BMPR1A: variants seen among roughly 807,000 people sequenced by gnomAD.
BMPR1A encodes bone morphogenetic protein receptor type 1A, also known as bone morphogenetic protein receptor type-1A.
BMPR1A carries 7 observed loss-of-function variants against 66.0 expected under a neutral mutation model. That is an observed-to-expected ratio of 0.11 (90% CI 0.06 to 0.20). BMPR1A has a LOEUF of 0.20. Among genes scored for constraint, BMPR1A ranks in the 10% least tolerant of loss-of-function variants. The pLI, the probability that BMPR1A is intolerant of heterozygous loss-of-function variation, is 1.00. For synonymous variants in BMPR1A, 200 were observed against 229.7 expected (o/e 0.87, Z 1.17); for missense variants, 408 against 669.1 (o/e 0.61, Z 4.31).
intron 4 of BMPR1A, 136 bp from the exon 5 acceptor site, chr10:86,891,991 C>G: frequency 1.4e-6 from 1 of 705,578 alleles, no homozygotes; most frequent in Non-Finnish European, 2.5e-6. Context: ...GCCAATAAAT[C>G]ACGTGTGAAT....
intron 1 of BMPR1A, among the ~76,000 whole-genome samples, chr10:86,768,373 C>T (rs895866628): frequency 4.0e-5 from 6 of 151,614 alleles, no homozygotes; most frequent in African/African-American, 1.2e-4. Flanking sequence ...TAAAGATGTG[C>T]CCCCCACCCC....
At chr10:86,892,083 A>G (rs756856268) in intron 4 of BMPR1A, 44 bp from the exon 5 acceptor site, 2 of 1,508,026 alleles carry the variant, frequency 1.3e-6, no homozygotes, top group Non-Finnish European at 1.8e-6. Context: ...AGTACTTTCT[A>G]TGTGAATTTA....
intron 2 of BMPR1A, among the ~76,000 whole-genome samples, chr10:86,871,319 T>C (rs905729596): frequency 2.0e-5 from 3 of 152,206 alleles, no homozygotes; most frequent in Non-Finnish European, 2.9e-5. Flanking sequence ...GTGTCTTGAG[T>C]ATCTTAATTG....
chr10:86,873,346 A>AG (rs1842877092), intron 2 of BMPR1A, among the ~76,000 whole-genome samples: 1 of 151,918 alleles, frequency 6.6e-6, no homozygotes, highest in East Asian at 1.9e-4. Flanking sequence ...GCACTCTGGG[A>AG]GGAGGCCAAG....
At chr10:86,930,137 G>C (rs1320272924), downstream of BMPR1A, 1 of 152,286 alleles carries the variant, frequency 6.6e-6, no homozygotes, top group East Asian at 1.9e-4. Flanking sequence ...AGACTTAAAT[G>C]TGTGAGTGCT....
At chr10:86,766,893 G>T (rs1280626200) in intron 1 of BMPR1A, among the ~76,000 whole-genome samples, 1 of 149,650 alleles carries the variant, frequency 6.7e-6, no homozygotes, top group Non-Finnish European at 1.5e-5. Flanking sequence ...GTGCCATCCT[G>T]GCTCACTGCA....
chr10:86,802,166 C>G (rs115216380), intron 1 of BMPR1A, among the ~76,000 whole-genome samples: 1 of 152,150 alleles, frequency 6.6e-6, no homozygotes, highest in Admixed American at 6.6e-5. Context: ...AACTCTTAGC[C>G]GCTGTGACAC....
intron 1 of BMPR1A, among the ~76,000 whole-genome samples, chr10:86,800,728 G>T (rs11202191): frequency 0.017 from 2,532 of 152,286 alleles, 75 homozygotes; most frequent in African/African-American, 0.058. Context: ...AAGAAAGCAT[G>T]TAATTCTTTG....
intron 1 of BMPR1A, among the ~76,000 whole-genome samples, chr10:86,777,423 ATTAAAAAGTTATT>A (rs1291120719): frequency 2.6e-5 from 4 of 152,122 alleles, no homozygotes; most frequent in Non-Finnish European, 4.4e-5. Flanking sequence ...CTGCAAAAAA[ATTAAAAAGTTATT>A]TGGGCATGGT....
intron 2 of BMPR1A, among the ~76,000 whole-genome samples, chr10:86,853,805 A>G (rs1842604156): frequency 6.6e-6 from 1 of 152,186 alleles, no homozygotes; most frequent in South Asian, 2.1e-4. Context: ...TCACAAGGTA[A>G]TAGAATATCA....
chr10:86,835,560 A>G (rs1787608643), intron 1 of BMPR1A, among the ~76,000 whole-genome samples: 1 of 67,848 alleles, frequency 1.5e-5, no homozygotes, highest in Admixed American at 1.9e-4. Flanking sequence ...AAAAAAAAAA[A>G]AAAAAAAAAA....
chr10:86,831,336 A>T (rs1358904928), intron 1 of BMPR1A, among the ~76,000 whole-genome samples: 3 of 152,112 alleles, frequency 2.0e-5, no homozygotes, highest in Non-Finnish European at 4.4e-5. Context: ...ATGTCTTTTT[A>T]TGTCTATATA....
rs904515260 is a variant in BMPR1A at position 86,796,325 on chromosome 10, A to G, written c.-268+39406A>G. Among the ~76,000 whole-genome samples, 9 of 152,170 alleles carry G rather than the reference A, an allele frequency of 5.9e-5. No individual in the cohort carries two copies. The South Asian group carries it at 1.9e-3, about 32-fold the overall frequency. On this transcript the variant is annotated intron_variant, in intron 1 of 12. Transcript: ENST00000372037. ...GAAGTTTAAGCATTATTTGTAAGCT[A>G]TTTGTAAATCCCTGTCAAACATTAT...
At chr10:86,817,692 G>T (rs1362176948) in intron 1 of BMPR1A, among the ~76,000 whole-genome samples, 3 of 152,206 alleles carry the variant, frequency 2.0e-5, no homozygotes, top group African/African-American at 7.2e-5. Context: ...CCTGTAACTA[G>T]TGAGGAGATT....
At chr10:86,881,298 A>C (rs1043792877) in intron 3 of BMPR1A, among the ~76,000 whole-genome samples, 10 of 152,204 alleles carry the variant, frequency 6.6e-5, no homozygotes, top group African/African-American at 2.4e-4. Context: ...GAAGTCATTA[A>C]TTTTGAAAAC....
chr10:86,862,553 A>G (rs1036116739), intron 2 of BMPR1A, among the ~76,000 whole-genome samples: 1 of 152,196 alleles, frequency 6.6e-6, no homozygotes, highest in Non-Finnish European at 1.5e-5. Flanking sequence ...TAGTGGGCAC[A>G]GGTGGAAGCA....
At chr10:86,766,979 A>T (rs1841175134) in intron 1 of BMPR1A, among the ~76,000 whole-genome samples, 1 of 152,000 alleles carries the variant, frequency 6.6e-6, no homozygotes, top group South Asian at 2.1e-4. Context: ...GCACGTCACC[A>T]TGTCCAGCTA....
chr10:86,797,094 T>C (rs1486088963), intron 1 of BMPR1A, among the ~76,000 whole-genome samples: 2 of 141,996 alleles, frequency 1.4e-5, no homozygotes, highest in Non-Finnish European at 3.1e-5. Context: ...TGAGACAGTC[T>C]TGCTCTGTCG....
intron 1 of BMPR1A, among the ~76,000 whole-genome samples, chr10:86,761,264 C>T (rs978206076): frequency 7.2e-5 from 11 of 152,120 alleles, no homozygotes; most frequent in Non-Finnish European, 1.5e-4. Flanking sequence ...CTTTTATTTA[C>T]TCTGATGTTG....
Sources: allele counts gnomAD v4.1 joint callset (sites outside exome capture counted in the v4.1 genomes callset), GRCh38; gene constraint gnomAD v4.1.1; transcripts MANE v1.5; gene names NCBI Gene and HGNC (gene_info 2026-07-23, HGNC 2026-07-21).